Variants in MYOCD observed in about 807,000 individuals in gnomAD.
MYOCD encodes myocardin.
In MYOCD, 32 loss-of-function variants were observed where a neutral mutation model predicts 96.1. The observed-to-expected ratio is 0.33, with a 90% CI of 0.25 to 0.45. The LOEUF (loss-of-function observed/expected upper bound fraction) is 0.45. Ranked by LOEUF, MYOCD falls within the 20% of genes least tolerant of loss-of-function variation. The pLI is 1.00. For synonymous variants in MYOCD, 469 were observed against 469.0 expected, an observed-to-expected ratio of 1.00 and a Z score of 0.00; for missense variants, 1,133 against 1,200.6, an observed-to-expected ratio of 0.94 and a Z score of 0.83.
intron 3 of MYOCD, among the ~76,000 whole-genome samples, chr17:12,716,716 C>T (rs2031651600): frequency 6.6e-6 from 1 of 152,094 alleles, no homozygotes; most frequent in Non-Finnish European, 1.5e-5. Flanking sequence ...TGCTGTGGCT[C>T]ATGGCTGTCC....
At chr17:12,733,927 A>T (rs918969595) in intron 5 of MYOCD, among the ~76,000 whole-genome samples, 1 of 151,838 alleles carries the variant, frequency 6.6e-6, no homozygotes, top group African/African-American at 2.4e-5. Context: ...CTGAACTATT[A>T]TGAAGTCTAA....
chr17:12,732,307 TGCTAA>T (rs2032198275), intron 5 of MYOCD, among the ~76,000 whole-genome samples: 1 of 152,128 alleles, frequency 6.6e-6, no homozygotes. Flanking sequence ...AACCCAAGCA[TGCTAA>T]TGGCCACTCT....
At chr17:12,706,172 G>A (rs1412650621) in intron 2 of MYOCD, 1 of 152,200 alleles carries the variant, frequency 6.6e-6, no homozygotes, top group Non-Finnish European at 1.5e-5. Context: ...TAATTCAAAA[G>A]TAATCCTTTG....
intron 6 of MYOCD, 60 bp downstream of exon 6, chr17:12,736,396 C>T (rs1368606345): frequency 1.3e-6 from 2 of 1,532,244 alleles, no homozygotes; most frequent in African/African-American, 2.7e-5. Context: ...ATTATCGTTT[C>T]AGTCTTAACA....
rs1382325230 is a variant in MYOCD, at chr17:12,752,419, T to C, written c.1131T>C (p.Ser377=). ...CCACATTCTGATTTCTTTAGGTCTC[T>C]GAATTAAGACAACAGCTTCGAATTC... The part of the protein sequence containing the change: ...LPPNLDDLKV[S]ELRQQLRIRG... Residue 377 remains serine, a synonymous_variant, in exon 10 of 14, where the codon TCT becomes TCC. Transcript: ENST00000425538. 6.2e-7 allele frequency: 1 copy of C among 1,606,336 alleles called. No homozygotes were observed.
At chr17:12,683,448 TTC>T (rs1243245285) in intron 1 of MYOCD, among the ~76,000 whole-genome samples, 1 of 152,126 alleles carries the variant, frequency 6.6e-6, no homozygotes, top group Non-Finnish European at 1.5e-5. Context: ...CTCTGTCGCT[TTC>T]TCTCGTGCGC....
At chr17:12,753,452 T>C (rs2032921680) in intron 10 of MYOCD, 106 bp downstream of exon 10, 2 of 1,033,172 alleles carry the variant, frequency 1.9e-6, no homozygotes, top group South Asian at 1.7e-5. Context: ...GGGAAGGGTT[T>C]ACCAAAAGCA....
chr17:12,761,746 C>G (rs1053348224), intron 13 of MYOCD: 2 of 152,480 alleles, frequency 1.3e-5, no homozygotes, highest in African/African-American at 4.8e-5. Context: ...GCCTCAGCCT[C>G]CCAAGTAGCT....
intron 2 of MYOCD, among the ~76,000 whole-genome samples, chr17:12,714,862 C>T (rs1236677764): frequency 6.6e-6 from 1 of 152,072 alleles, no homozygotes; most frequent in Non-Finnish European, 1.5e-5. Context: ...TGTCACAGGA[C>T]CTATGCTCCT....
At chr17:12,719,557 A>G (rs1451526487) in intron 4 of MYOCD, among the ~76,000 whole-genome samples, 1 of 152,046 alleles carries the variant, frequency 6.6e-6, no homozygotes, top group African/African-American at 2.4e-5. Flanking sequence ...AGAGTTATTA[A>G]GAAATTATTT....
chr17:12,753,497 C>T, intron 10 of MYOCD, 151 bp downstream of exon 10: 2 of 708,246 alleles, frequency 2.8e-6, no homozygotes, highest in Non-Finnish European at 4.5e-6. Flanking sequence ...ATCCTTGAAT[C>T]CTCATGGTAG....
At chr17:12,751,673 C>A (rs1327281682) in intron 9 of MYOCD, among the ~76,000 whole-genome samples, 1 of 152,128 alleles carries the variant, frequency 6.6e-6, no homozygotes. Flanking sequence ...TTATTTCCTC[C>A]ATTTCCCAGA....
intron 1 of MYOCD, among the ~76,000 whole-genome samples, chr17:12,672,984 C>T (rs774363223): frequency 6.6e-6 from 1 of 152,094 alleles, no homozygotes; most frequent in South Asian, 2.1e-4. Context: ...TTAAGTGGTA[C>T]GAAAGCATCA....
intron 2 of MYOCD, among the ~76,000 whole-genome samples, chr17:12,709,946 C>T (rs1172163131): frequency 6.6e-6 from 1 of 152,144 alleles, no homozygotes; most frequent in African/African-American, 2.4e-5. Flanking sequence ...GGAAAGATGA[C>T]CAGCCATGTA....
chr17:12,688,975 A>G (rs2030302319), intron 1 of MYOCD, among the ~76,000 whole-genome samples: 1 of 152,214 alleles, frequency 6.6e-6, no homozygotes, highest in Admixed American at 6.5e-5. Flanking sequence ...TGTCAGTGGA[A>G]TAGATATTCA....
chr17:12,687,899 A>G (rs902116831), intron 1 of MYOCD, among the ~76,000 whole-genome samples: 2 of 152,214 alleles, frequency 1.3e-5, no homozygotes, highest in Non-Finnish European at 2.9e-5. Flanking sequence ...TATCCATGGC[A>G]ACGTAGGAGA....
chr17:12,713,720 T>G (rs1053997813), intron 2 of MYOCD, among the ~76,000 whole-genome samples: 1 of 152,096 alleles, frequency 6.6e-6, no homozygotes, highest in African/African-American at 2.4e-5. Flanking sequence ...AGGGAGTTGC[T>G]TTGCAGAACT....
chr17:12,709,932 G>A (rs1368451113), intron 2 of MYOCD, among the ~76,000 whole-genome samples: 1 of 152,150 alleles, frequency 6.6e-6, no homozygotes, highest in Admixed American at 6.5e-5. Flanking sequence ...TGAAGACTTA[G>A]TGTGGAAAGA....
In MYOCD at chr17:12,756,512, TG is replaced by T. The variant is rs2033016347; in HGVS notation, c.2158del (p.Ala720ProfsTer46). On this transcript the variant is annotated frameshift_variant, in exon 11 of 14. Coordinates refer to ENST00000425538, the MANE Select transcript of MYOCD (RefSeq NM_001146312.3). LOFTEE classifies it high-confidence loss of function. ...GAGCCCAAGCAGACAGCAGTCATGG[TG>T]CCGGGGGAAACCCTTGTCCCAAAAG... ...SGAQADSSHGAGGNPCPKSPC... is the reference protein window; with the variant it reads ...SGAQADSSHGXGGNPCPKSPC... The T allele has an allele frequency of 6.4e-7, 1 of 1,551,618 alleles. No homozygotes were observed. The highest frequency in any genetic ancestry group is 8.7e-7 in the Non-Finnish European group (1 of 1,147,026).
Sources: gnomAD v4.1 joint callset for allele counts (sites outside exome capture counted in the v4.1 genomes callset) on GRCh38, gnomAD v4.1.1 for gene constraint, MANE v1.5 for transcripts, NCBI Gene and HGNC (gene_info 2026-07-23, HGNC 2026-07-21) for gene names.